The following DCAF8L2 variants were observed in gnomAD, a reference collection of about 807,000 sequenced individuals.
DCAF8L2 encodes DDB1 and CUL4 associated factor 8 like 2.
For synonymous variants in DCAF8L2, 200 were observed against 190.9 expected (o/e 1.05, Z -0.39); for missense variants, 430 against 490.7 (o/e 0.88, Z 1.17).
chrX:27,748,672 C>T lies in DCAF8L2; in HGVS notation c.1777C>T (p.His593Tyr). ...GCGTCACGTGACGCAGAGAGGTCGT[C>T]ACCAGGACTGGAGAAGTGGTGAAGC... ...LLRHVTQRGRHQDWRSGEAEF... is the reference protein window; with the variant it reads ...LLRHVTQRGRYQDWRSGEAEF... The change falls in exon 5 of 5, where the codon CAC becomes TAC. Residue 593 changes from histidine (H) to tyrosine (Y), a missense_variant. Physicochemically the swap from His to Tyr is moderately conservative, Grantham distance 83. Coordinates refer to ENST00000451261, the MANE Select transcript of DCAF8L2 (RefSeq NM_001353450.2). 8.4e-7 allele frequency: 1 copy of T among 1,195,889 alleles called. No individual in the cohort carries two copies. Among genetic ancestry groups the T allele is most frequent in the South Asian group, 1.8e-5 (1 of 55,186 alleles).
the DCAF8L2 span, chrX:27,518,856 G>A: frequency 1.5e-5 from 8 of 548,593 alleles, no homozygotes; most frequent in East Asian, 2.3e-4. Flanking sequence ...ATGACAAGTT[G>A]ACATCTAAAA....
chrX:27,645,153 T>C (rs1275534351), intron 2 of DCAF8L2, among the ~76,000 whole-genome samples: 1 of 111,912 alleles, frequency 8.9e-6, no homozygotes, highest in Non-Finnish European at 1.9e-5. Flanking sequence ...CTGATGAACA[T>C]TGATGGAAAA....
chrX:27,491,322 T>G, the DCAF8L2 span, among the ~76,000 whole-genome samples: 1 of 112,191 alleles, frequency 8.9e-6, no homozygotes, highest in African/African-American at 3.2e-5. Flanking sequence ...TCTTTCTGCA[T>G]GTGGATATTC....
chrX:27,515,836 A>G, the DCAF8L2 span, among the ~76,000 whole-genome samples: 1 of 112,022 alleles, frequency 8.9e-6, no homozygotes, highest in South Asian at 3.7e-4. Context: ...CCTTTGATGT[A>G]CTGCAGGTAG....
intron 2 of DCAF8L2, among the ~76,000 whole-genome samples, chrX:27,659,260 C>T (rs1247945718): frequency 8.9e-6 from 1 of 112,278 alleles, no homozygotes; most frequent in African/African-American, 3.2e-5. Context: ...ACCTCAATTA[C>T]ATGAAACTCA....
chrX:27,553,901 G>A, the DCAF8L2 span, among the ~76,000 whole-genome samples: 2 of 103,920 alleles, frequency 1.9e-5, no homozygotes, highest in Admixed American at 1.0e-4. Flanking sequence ...ACTTTCACTC[G>A]TGAAAAACTG....
the DCAF8L2 span, among the ~76,000 whole-genome samples, chrX:27,497,210 G>A: frequency 1.8e-5 from 2 of 111,472 alleles, no homozygotes; most frequent in South Asian, 3.7e-4. Context: ...AAATACACTC[G>A]CCCCTGCTGA....
chrX:27,646,308 T>A (rs185768721), intron 2 of DCAF8L2, among the ~76,000 whole-genome samples: 43 of 111,703 alleles, frequency 3.8e-4, no homozygotes, highest in African/African-American at 1.3e-3. Flanking sequence ...AAACAAGCAA[T>A]GGGGGAATGA....
At chrX:27,746,595 A>T (rs766162863) in intron 4 of DCAF8L2, among the ~76,000 whole-genome samples, 1 of 111,758 alleles carries the variant, frequency 8.9e-6, no homozygotes, top group Non-Finnish European at 1.9e-5. Context: ...ACCCGCAGCT[A>T]CTCACAGTGT....
the DCAF8L2 span, chrX:27,518,969 C>G: frequency 4.7e-6 from 3 of 638,473 alleles, no homozygotes; most frequent in Non-Finnish European, 8.0e-6. Flanking sequence ...TTTTATGCAC[C>G]TCATCTGAGA....
the DCAF8L2 span, among the ~76,000 whole-genome samples, chrX:27,476,471 T>C: frequency 9.0e-6 from 1 of 111,685 alleles, no homozygotes; most frequent in Non-Finnish European, 1.9e-5. Context: ...TGCATGCTGA[T>C]GCCTTTCAAT....
chrX:27,477,008 T>C, the DCAF8L2 span, among the ~76,000 whole-genome samples: 1 of 112,179 alleles, frequency 8.9e-6, no homozygotes, highest in African/African-American at 3.2e-5. Flanking sequence ...AGGTAACTCA[T>C]TGAAAGAAGG....
At chrX:27,533,218 GAAAGAAAGAAAGAAAGAGAA>G in the DCAF8L2 span, among the ~76,000 whole-genome samples, 1 of 49,482 alleles carries the variant, frequency 2.0e-5, no homozygotes. Context: ...AAGAAAGAAA[GAAAGAAAGAAAGAAAGAGAA>G]AGAAAGAAAG....
the DCAF8L2 span, among the ~76,000 whole-genome samples, chrX:27,486,259 G>A: frequency 1.0e-4 from 11 of 109,961 alleles, no homozygotes; most frequent in African/African-American, 3.6e-4. Context: ...ACCCACCTCG[G>A]CCTCCCAAAG....
At chrX:27,686,921 C>T (rs1436570623) in intron 3 of DCAF8L2, among the ~76,000 whole-genome samples, 2 of 112,261 alleles carry the variant, frequency 1.8e-5, no homozygotes, top group African/African-American at 3.2e-5. Flanking sequence ...ACATCCTTTG[C>T]GTGTGCAGTT....
Position 27,747,419 on chromosome X carries a change from T to C in DCAF8L2, c.524T>C (p.Val175Ala). 8.5e-7 allele frequency: 1 copy of C among 1,170,969 alleles called. No homozygotes were observed. Among genetic ancestry groups the C allele is most frequent in the Non-Finnish European group, 1.1e-6 (1 of 875,147 alleles). Residue 175 changes from valine to alanine, a missense_variant, in exon 5 of 5, where the codon GTT becomes GCT. Transcript: ENST00000451261. ...GAGGATCAGGCGCTGGAGGAGTGGG[T>C]TTCCTCAGAGACATCTGCCCTGCCC... ...LEEDQALEEW[V>A]SSETSALPRP...
rs1203029171 is a variant in DCAF8L2, at chrX:27,748,309, G to A, written c.1414G>A (p.Val472Ile). 1 of 1,208,721 alleles carries A rather than the reference G, an allele frequency of 8.3e-7. No homozygotes were observed. The highest frequency in any genetic ancestry group is 1.1e-6 in the Non-Finnish European group (1 of 894,365). The part of the protein sequence containing the change: ...RFKGHRNNTT[V>I]KGVNFYGPRS... ...TAAGGGACACAGAAATAATACCACA[G>A]TCAAAGGTGTTAATTTCTATGGCCC... is the stretch of plus-strand genomic sequence containing the variant. The change falls in exon 5 of 5, where the codon GTC (valine) becomes ATC (isoleucine). Residue 472 changes from valine to isoleucine, a missense_variant. Coordinates refer to ENST00000451261, the MANE Select transcript of DCAF8L2 (RefSeq NM_001353450.2).
At chrX:27,610,468 A>G (rs999929034) in intron 1 of DCAF8L2, among the ~76,000 whole-genome samples, 1 of 111,317 alleles carries the variant, frequency 9.0e-6, no homozygotes, top group Admixed American at 9.7e-5. Flanking sequence ...CGAAGGAAAC[A>G]TCATGATGTT....
the DCAF8L2 span, among the ~76,000 whole-genome samples, chrX:27,530,131 ATATTCT>A: frequency 9.0e-6 from 1 of 111,572 alleles, no homozygotes; most frequent in South Asian, 3.7e-4. Flanking sequence ...TAAAGAGAAC[ATATTCT>A]TAGATGCCCA....
Sources: gnomAD v4.1 joint callset for allele counts (sites outside exome capture counted in the v4.1 genomes callset) on GRCh38, gnomAD v4.1.1 for gene constraint, MANE v1.5 for transcripts, NCBI Gene and HGNC (gene_info 2026-07-23, HGNC 2026-07-21) for gene names.